Variants in MYBPC1 observed in about 807,000 individuals in gnomAD.
MYBPC1 encodes myosin-binding protein C, slow-type.
MYBPC1 carries 52 observed loss-of-function variants against 147.1 expected under a neutral mutation model. That is an observed-to-expected ratio of 0.35 (90% confidence interval 0.28 to 0.45). The LOEUF is 0.45. Among genes scored for constraint, MYBPC1 ranks in the 20% least tolerant of loss-of-function variants. MYBPC1 has a pLI of 1.00. For synonymous variants in MYBPC1, 477 were observed against 475.9 expected, an observed-to-expected ratio of 1.00 and a Z score of -0.03; for missense variants, 1,228 against 1,440.3, an observed-to-expected ratio of 0.85 and a Z score of 2.39.
intron 3 of MYBPC1, 98 bp downstream of exon 3, chr12:101,617,341 G>T (rs1886362414): frequency 7.6e-7 from 1 of 1,308,958 alleles, no homozygotes; most frequent in African/African-American, 1.5e-5. Flanking sequence ...GAATTTCTCT[G>T]CATTATCTTT....
intron 13 of MYBPC1, among the ~76,000 whole-genome samples, chr12:101,647,545 C>T (rs1391557175): frequency 6.6e-6 from 1 of 152,084 alleles, no homozygotes; most frequent in Non-Finnish European, 1.5e-5. Context: ...CCCAGGGTTG[C>T]CTGCTATTTA....
Position 101,632,233 on chromosome 12 carries a change from A to G in MYBPC1, c.556+95A>G. On this transcript the variant is annotated intron_variant, in intron 8 of 31. Coordinates refer to ENST00000361466, the MANE Select transcript of MYBPC1 (RefSeq NM_002465.4). ...TTCATTTAATACTATGAGATTTCAG[A>G]GAAAGTTTTCCTTTAAAACTGTTTC... The G allele has an allele frequency of 4.3e-6, 4 of 927,892 alleles. No individual in the cohort carries two copies. In the Admixed American group the frequency reaches 6.9e-5, roughly 16 times the overall value. 57.5% of individuals were successfully genotyped at this position (927,892 alleles called of 1,614,324 possible). A position where few individuals can be genotyped will look rare whatever the true frequency, so the allele number is the denominator to read the frequency against.
intron 20 of MYBPC1, among the ~76,000 whole-genome samples, chr12:101,661,896 C>CAAAAAAAAAA (rs66873575): frequency 1.2e-5 from 1 of 83,180 alleles, no homozygotes; most frequent in Non-Finnish European, 2.3e-5. Flanking sequence ...GACTCTGTCT[C>CAAAAAAAAAA]AAAAAAAAAA....
chr12:101,641,644 A>G (rs1293816699), intron 10 of MYBPC1, among the ~76,000 whole-genome samples: 1 of 152,138 alleles, frequency 6.6e-6, no homozygotes, highest in African/African-American at 2.4e-5. Context: ...TAACATTTGT[A>G]TTTTTATAAC....
At chr12:101,667,947 CT>C (rs763012933) in intron 23 of MYBPC1, 48 bp downstream of exon 23, 79 of 1,569,856 alleles carry the variant, frequency 5.0e-5, no homozygotes, top group Non-Finnish European at 5.6e-5. Context: ...ACATGGTTCA[CT>C]TTTTTTTTCT....
At chr12:101,614,012 G>A (rs150746602) in intron 1 of MYBPC1, among the ~76,000 whole-genome samples, 2 of 152,256 alleles carry the variant, frequency 1.3e-5, no homozygotes, top group African/African-American at 2.4e-5. Context: ...TTTCTGCACC[G>A]ACCTTACCTT....
intron 31 of MYBPC1, 53 bp from the exon 32 acceptor site, chr12:101,685,529 A>T: frequency 7.8e-7 from 1 of 1,278,566 alleles, no homozygotes; most frequent in South Asian, 1.3e-5. Flanking sequence ...TGTTTCAGCG[A>T]TTTTTCAGGT....
intron 6 of MYBPC1, among the ~76,000 whole-genome samples, 166 bp downstream of exon 6, chr12:101,629,710 T>C (rs1889462070): frequency 6.6e-6 from 1 of 151,924 alleles, no homozygotes; most frequent in Non-Finnish European, 1.5e-5. Context: ...CAGTCCCTAC[T>C]AAAAATACAA....
chr12:101,614,912 G>A (rs1885477454), intron 2 of MYBPC1: 5 of 313,394 alleles, frequency 1.6e-5, no homozygotes, highest in Non-Finnish European at 3.1e-5. Context: ...TTCTTTATGA[G>A]AGTGGGGAGT....
chr12:101,606,661 C>T (rs920227267), intron 1 of MYBPC1, among the ~76,000 whole-genome samples: 4 of 151,984 alleles, frequency 2.6e-5, no homozygotes, highest in Admixed American at 2.6e-4. Context: ...TATCCAGACC[C>T]ATAATGCCTA....
intron 3 of MYBPC1, among the ~76,000 whole-genome samples, chr12:101,624,721 CT>C (rs1888190931): frequency 1.3e-5 from 1 of 74,318 alleles, no homozygotes; most frequent in African/African-American, 6.1e-5. Flanking sequence ...CGGAGAGAGT[CT>C]TGTTATGTTG....
At chr12:101,614,778 C>T (rs1337434974) in intron 2 of MYBPC1, 4 of 566,854 alleles carry the variant, frequency 7.1e-6, no homozygotes, top group South Asian at 2.1e-5. Flanking sequence ...CTTATGAAAC[C>T]TTTCAAATTA....
At chr12:101,612,234 T>C (rs1593662224) in intron 1 of MYBPC1, among the ~76,000 whole-genome samples, 1 of 152,282 alleles carries the variant, frequency 6.6e-6, no homozygotes, top group Admixed American at 6.5e-5. Flanking sequence ...TTACATAGAA[T>C]TGGCACCCTA....
intron 25 of MYBPC1, among the ~76,000 whole-genome samples, chr12:101,674,681 G>A (rs1240398709): frequency 1.3e-5 from 2 of 151,746 alleles, no homozygotes; most frequent in Non-Finnish European, 2.9e-5. Context: ...TGGACAATAT[G>A]GTAAAAACCT....
At chr12:101,661,014 C>G in intron 19 of MYBPC1, 144 bp from the exon 20 acceptor site, 1 of 595,686 alleles carries the variant, frequency 1.7e-6, no homozygotes, top group Non-Finnish European at 3.0e-6. Context: ...CAAACCATAT[C>G]ATAAGCATAA....
In MYBPC1 at chr12:101,649,425, C is replaced by T. The variant is rs771493154; in HGVS notation, c.1362C>T (p.Asp454=). 1.2e-6 allele frequency: 2 copies of T among 1,613,648 alleles called. No individual in the cohort carries two copies. Among genetic ancestry groups the T allele is most frequent in the Non-Finnish European group, 1.7e-6 (2 of 1,179,724 alleles). ...GGQSSAKLSV[D]LKPLKILTPL... ...AATCATCTGCTAAACTTAGTGTTGA[C>T]TGTAAGTGAGACTTCTTTAGATGTC... The change falls in exon 15 of 32, where the codon GAC becomes GAT. Residue 454 remains aspartate, a splice_region_variant and synonymous_variant. Transcript: ENST00000361466.
At chr12:101,601,395 C>T (rs1274435767) in intron 1 of MYBPC1, among the ~76,000 whole-genome samples, 1 of 152,196 alleles carries the variant, frequency 6.6e-6, no homozygotes, top group African/African-American at 2.4e-5. Flanking sequence ...AAGATGTTCC[C>T]ATTCATGGGA....
downstream of MYBPC1, among the ~76,000 whole-genome samples, chr12:101,686,947 G>A (rs1232589027): frequency 6.6e-6 from 1 of 152,102 alleles, no homozygotes; most frequent in African/African-American, 2.4e-5. Context: ...TGGTTGTTAA[G>A]AACATTGGCT....
chr12:101,642,527 C>T lies in MYBPC1; in HGVS notation c.774C>T (p.Asp258=), dbSNP rs2293468. 0.3 allele frequency: 476,658 copies of T among 1,612,768 alleles called. 71,493 individuals are homozygous for T. Among genetic ancestry groups the T allele is most frequent in the East Asian group, 0.39 (17,497 of 44,818 alleles). The change falls in exon 11 of 32, where the codon GAC becomes GAT. Residue 258 remains aspartate, a synonymous_variant. Coordinates refer to ENST00000361466, the MANE Select transcript of MYBPC1 (RefSeq NM_002465.4). ...EKIAFQYGIT[D]LRGMLKRLKR... ...TCGCCTTCCAGTATGGAATCACCGA[C>T]CTGCGCGGCATGCTCAAGCGACTCA...
Sources: allele counts gnomAD v4.1 joint callset (sites outside exome capture counted in the v4.1 genomes callset), GRCh38; gene constraint gnomAD v4.1.1; transcripts MANE v1.5; gene names NCBI Gene and HGNC (gene_info 2026-07-23, HGNC 2026-07-21).